EHBP1: variants seen among roughly 807,000 people sequenced by gnomAD.
EHBP1 encodes EH domain-binding protein 1.
In EHBP1, 55 loss-of-function variants were observed where a neutral mutation model predicts 144.0. The observed-to-expected ratio is 0.38, with a 90% CI of 0.31 to 0.48. The LOEUF is 0.48. Ranked by LOEUF, EHBP1 falls within the 20% of genes least tolerant of loss-of-function variation. EHBP1 has a pLI of 0.98. For missense variants in EHBP1, 1,200 were observed against 1,364.2 expected (o/e 0.88, Z 1.90); for synonymous variants, 469 against 472.7 (o/e 0.99, Z 0.10).
intron 1 of EHBP1, among the ~76,000 whole-genome samples, chr2:62,692,387 A>G (rs986752798): frequency 6.6e-6 from 1 of 152,174 alleles, no homozygotes; most frequent in Non-Finnish European, 1.5e-5. Context: ...TCTCTTTGGT[A>G]TTTACCTAGG....
At chr2:62,738,840 T>A (rs1171971603) in intron 2 of EHBP1, among the ~76,000 whole-genome samples, 1 of 152,216 alleles carries the variant, frequency 6.6e-6, no homozygotes, top group Non-Finnish European at 1.5e-5. Flanking sequence ...GAGTGTAATG[T>A]CTTTAATACC....
chr2:62,826,732 A>G (rs1262249058), intron 6 of EHBP1, among the ~76,000 whole-genome samples: 1 of 152,206 alleles, frequency 6.6e-6, no homozygotes, highest in African/African-American at 2.4e-5. Context: ...GTACAGTTAG[A>G]TAAGCAGTTT....
intron 2 of EHBP1, among the ~76,000 whole-genome samples, chr2:62,734,540 G>T (rs1390550414): frequency 6.6e-6 from 1 of 151,356 alleles, no homozygotes; most frequent in Non-Finnish European, 1.5e-5. Flanking sequence ...ATCTATACTT[G>T]TCTTTATATT....
At chr2:62,832,566 CTG>C (rs921128589) in intron 7 of EHBP1, among the ~76,000 whole-genome samples, 1 of 150,714 alleles carries the variant, frequency 6.6e-6, no homozygotes, top group Non-Finnish European at 1.5e-5. Flanking sequence ...CTCTGTGTCT[CTG>C]TGTCATTTTG....
chr2:63,042,880 T>C (rs1380499383), intron 21 of EHBP1, among the ~76,000 whole-genome samples: 1 of 152,028 alleles, frequency 6.6e-6, no homozygotes, highest in Non-Finnish European at 1.5e-5. Context: ...TTTAATATAA[T>C]TTTCAATTTA....
intron 3 of EHBP1, among the ~76,000 whole-genome samples, chr2:62,747,914 G>A (rs759034328): frequency 6.6e-6 from 1 of 151,972 alleles, no homozygotes; most frequent in Non-Finnish European, 1.5e-5. Flanking sequence ...TCTGCCTTCT[G>A]CCACATGAGG....
chr2:63,008,719 T>C (rs565533293), intron 19 of EHBP1, among the ~76,000 whole-genome samples: 97 of 151,450 alleles, frequency 6.4e-4, no homozygotes, highest in Middle Eastern at 3.4e-3. Flanking sequence ...AAATTATAAC[T>C]GGATTGCAAG....
intron 2 of EHBP1, among the ~76,000 whole-genome samples, chr2:62,716,159 TC>T (rs2035655626): frequency 6.6e-6 from 1 of 152,034 alleles, no homozygotes; most frequent in East Asian, 1.9e-4. Flanking sequence ...CTCCTCTACT[TC>T]CAGAATTTTC....
intron 13 of EHBP1, among the ~76,000 whole-genome samples, chr2:62,953,424 C>CT (rs2057512124): frequency 6.6e-6 from 1 of 151,722 alleles, no homozygotes; most frequent in African/African-American, 2.4e-5. Flanking sequence ...GGTGGCTCAC[C>CT]TGTAATCCCA....
chr2:62,787,405 C>CA (rs1336461470), intron 5 of EHBP1, among the ~76,000 whole-genome samples: 1 of 125,396 alleles, frequency 8.0e-6, no homozygotes, highest in Non-Finnish European at 1.7e-5. Flanking sequence ...CCCCCCCCCC[C>CA]CACCCCCTTG....
chr2:62,698,673 C>G (rs2034182335), intron 1 of EHBP1, among the ~76,000 whole-genome samples: 1 of 152,222 alleles, frequency 6.6e-6, no homozygotes, highest in Non-Finnish European at 1.5e-5. Flanking sequence ...GTCATCTTTG[C>G]TTCCCAGGCT....
chr2:62,993,945 C>G lies in EHBP1; in HGVS notation c.2947C>G (p.Gln983Glu). The G allele has an allele frequency of 6.3e-7, 1 of 1,583,456 alleles. No individual in the cohort carries two copies. Among genetic ancestry groups the G allele is most frequent in the Non-Finnish European group, 8.6e-7 (1 of 1,161,932 alleles). Residue 983 changes from glutamine to glutamate, a missense_variant, in exon 18 of 23, where the codon CAG becomes GAG. Coordinates refer to ENST00000431489, the MANE Select transcript of EHBP1 (RefSeq NM_001142616.3). ...GGAGAAGGCAGCGATAACTGAAACT[C>G]AGAGGAAGCCATCAGAAGATGAAGT... ...NEEKAAITET[Q>E]RKPSEDEVLN...
intron 2 of EHBP1, among the ~76,000 whole-genome samples, chr2:62,725,450 C>A (rs1013952352): frequency 6.6e-6 from 1 of 152,170 alleles, no homozygotes; most frequent in Non-Finnish European, 1.5e-5. Context: ...TGCATGCCGT[C>A]ATGCTGGTGG....
chr2:62,949,356 C>T (rs2057257815), intron 13 of EHBP1, among the ~76,000 whole-genome samples, 194 bp downstream of exon 13: 1 of 152,076 alleles, frequency 6.6e-6, no homozygotes, highest in Non-Finnish European at 1.5e-5. Flanking sequence ...ATTGCTTTGG[C>T]CTAGGAGTTT....
At chr2:62,780,011 C>CT (rs2042317871) in intron 5 of EHBP1, among the ~76,000 whole-genome samples, 1 of 152,078 alleles carries the variant, frequency 6.6e-6, no homozygotes, top group Admixed American at 6.5e-5. Flanking sequence ...ATGAAGTCCA[C>CT]TTGAACATCA....
chr2:62,884,727 T>A (rs555476515), intron 10 of EHBP1, among the ~76,000 whole-genome samples: 1 of 152,204 alleles, frequency 6.6e-6, no homozygotes. Context: ...AAGAATGCAG[T>A]TGGAAAGTAG....
At chr2:62,766,818 A>T (rs2041226504) in intron 4 of EHBP1, among the ~76,000 whole-genome samples, 1 of 152,002 alleles carries the variant, frequency 6.6e-6, no homozygotes, top group Admixed American at 6.6e-5. Flanking sequence ...TCATACATTT[A>T]TTTGGATTTA....
intron 1 of EHBP1, among the ~76,000 whole-genome samples, chr2:62,679,357 T>C (rs2033426225): frequency 6.6e-6 from 1 of 152,240 alleles, no homozygotes; most frequent in Non-Finnish European, 1.5e-5. Context: ...GACATTAACC[T>C]AAAATCCGGT....
rs528987444 is a variant in EHBP1, at chr2:62,749,354, A to G, written c.162+1902A>G. Among the ~76,000 whole-genome samples, 7 of 152,302 alleles carry G rather than the reference A, an allele frequency of 4.6e-5. No individual in the cohort carries two copies. In the East Asian group the frequency reaches 9.6e-4, roughly 21 times the overall value. ...GGCCGCATAGTATTCCATGGTGTCT[A>G]TGTGCCACATTTTCTTAATCCAGTC... On this transcript the variant is annotated intron_variant, in intron 3 of 22. Transcript: ENST00000431489.
Sources: allele counts gnomAD v4.1 joint callset (sites outside exome capture counted in the v4.1 genomes callset), GRCh38; gene constraint gnomAD v4.1.1; transcripts MANE v1.5; gene names NCBI Gene and HGNC (gene_info 2026-07-23, HGNC 2026-07-21).